Variants in LOC112267897 observed in about 807,000 individuals in gnomAD.
chr13:63,747,838 A>C, the LOC112267897 span: 2 of 120,980 alleles, frequency 1.7e-5, no homozygotes, highest in Non-Finnish European at 3.2e-5. Context: ...TCTAGATTTC[A>C]ATAAGTTGAG....
the LOC112267897 span, chr13:63,747,013 C>A: frequency 5.8e-6 from 9 of 1,553,394 alleles, no homozygotes; most frequent in Admixed American, 1.2e-4. Context: ...ACAGCTGTGG[C>A]TATGGCTCTG....
the LOC112267897 span, chr13:63,746,779 T>G: frequency 7.0e-7 from 1 of 1,433,166 alleles, no homozygotes; most frequent in East Asian, 2.6e-5. Context: ...GAAACCCATC[T>G]CAATTCTCTC....
chr13:63,747,091 CT>C, the LOC112267897 span: 1 of 1,604,370 alleles, frequency 6.2e-7, no homozygotes, highest in East Asian at 2.2e-5. Flanking sequence ...GTGGGTATGG[CT>C]GTGGTTATGG....
At chr13:63,747,290 C>T in the LOC112267897 span, 1 of 785,986 alleles carries the variant, frequency 1.3e-6, no homozygotes, top group Non-Finnish European at 2.0e-6. Context: ...CCAAGAATTA[C>T]ATGCTTGACA....
chr13:63,746,987 G>A, the LOC112267897 span: 4 of 1,455,618 alleles, frequency 2.7e-6, no homozygotes, highest in Non-Finnish European at 3.9e-6. Context: ...CTATGGCTGT[G>A]GCTATGGAAC....
chr13:63,747,648 C>T, the LOC112267897 span: 1 of 138,248 alleles, frequency 7.2e-6, no homozygotes. Flanking sequence ...AAGACATCTA[C>T]TGTAGTGTAC....
the LOC112267897 span, chr13:63,746,941 C>G: frequency 2.1e-6 from 3 of 1,434,086 alleles, no homozygotes; most frequent in Non-Finnish European, 2.9e-6. Flanking sequence ...ATGGCTGTGG[C>G]TATGGCTCTG....
chr13:63,747,256 A>T, the LOC112267897 span: 1 of 1,061,008 alleles, frequency 9.4e-7, no homozygotes, highest in South Asian at 1.3e-5. Context: ...TGATTCAAGG[A>T]TTCATACTCC....
At chr13:63,747,857 A>G in the LOC112267897 span, 1 of 109,802 alleles carries the variant, frequency 9.1e-6, no homozygotes, top group Non-Finnish European at 1.7e-5. Context: ...AGATACACAA[A>G]TATTTATTAT....
the LOC112267897 span, chr13:63,747,114 G>C: frequency 6.2e-7 from 1 of 1,602,216 alleles, no homozygotes; most frequent in South Asian, 1.1e-5. Flanking sequence ...ACTGGCTATG[G>C]CTGTGGATGT....
the LOC112267897 span, chr13:63,747,028 C>T: frequency 2.8e-5 from 44 of 1,580,706 alleles, 1 homozygote; most frequent in East Asian, 8.5e-4. Context: ...GCTCTGGCTA[C>T]AGCTGTGGCT....
chr13:63,747,827 T>A, the LOC112267897 span: 1 of 125,732 alleles, frequency 8.0e-6, no homozygotes. Flanking sequence ...ACTGTATCTT[T>A]TCTAGATTTC....
the LOC112267897 span, chr13:63,747,118 T>C: frequency 6.7e-3 from 10,741 of 1,600,980 alleles, 1,136 homozygotes; most frequent in African/African-American, 0.13. Flanking sequence ...GCTATGGCTG[T>C]GGATGTGGCT....
the LOC112267897 span, chr13:63,747,759 T>C: frequency 3.3e-3 from 431 of 129,048 alleles, 19 homozygotes; most frequent in Admixed American, 0.018. Flanking sequence ...GTGGTCTATA[T>C]AGGTACTGTT....
At chr13:63,746,774 C>T in the LOC112267897 span, 1 of 1,431,574 alleles carries the variant, frequency 7.0e-7, no homozygotes, top group Non-Finnish European at 9.6e-7. Context: ...TTCTTGAAAC[C>T]CATCTCAATT....
the LOC112267897 span, chr13:63,747,802 T>A: frequency 7.7e-6 from 1 of 130,116 alleles, no homozygotes; most frequent in Non-Finnish European, 1.5e-5. Flanking sequence ...TATTATTATT[T>A]TATACTGTGT....
chr13:63,747,081 G>A, the LOC112267897 span: 7 of 1,605,170 alleles, frequency 4.4e-6, no homozygotes, highest in African/African-American at 2.7e-5. Flanking sequence ...GGCTTCGGCT[G>A]TGGGTATGGC....
At chr13:63,747,403 A>T in the LOC112267897 span, 1 of 381,926 alleles carries the variant, frequency 2.6e-6, no homozygotes, top group Admixed American at 5.2e-5. Flanking sequence ...TGCTCCCTTA[A>T]TCTCTGACTC....
At chr13:63,747,029 A>G in the LOC112267897 span, 49 of 1,577,280 alleles carry the variant, frequency 3.1e-5, 1 homozygote, top group East Asian at 8.6e-4. Context: ...CTCTGGCTAC[A>G]GCTGTGGCTA....
Sources: allele counts gnomAD v4.1 joint callset, GRCh38; gene constraint gnomAD v4.1.1; transcripts MANE v1.5.